RSF1: variants seen among roughly 807,000 people sequenced by gnomAD.
RSF1 encodes the protein remodeling and spacing factor 1.
Under a neutral mutation model 145.2 loss-of-function variants are expected in RSF1, and 13 were observed. The ratio of observed to expected loss-of-function variants is 0.09; its 90% CI spans 0.06 to 0.14. The LOEUF is 0.14. Among genes scored for constraint, RSF1 ranks in the 10% least tolerant of loss-of-function variants. The pLI is 1.00. For synonymous variants in RSF1, 577 were observed against 592.6 expected, an observed-to-expected ratio of 0.97 and a Z score of 0.38; for missense variants, 1,517 against 1,718.2, an observed-to-expected ratio of 0.88 and a Z score of 2.07.
chr11:77,731,058 A>G (rs1961195841), intron 4 of RSF1, among the ~76,000 whole-genome samples: 1 of 152,194 alleles, frequency 6.6e-6, no homozygotes, highest in African/African-American at 2.4e-5. Flanking sequence ...AGGGCTCAGA[A>G]GAAGATATGA....
chr11:77,858,646 C>T, the RSF1 span, among the ~76,000 whole-genome samples: 7 of 152,056 alleles, frequency 4.6e-5, no homozygotes, highest in Admixed American at 4.6e-4. Flanking sequence ...AACAGGAAAA[C>T]CCAAGTGCTG....
chr11:77,723,080 C>T (rs12575014), intron 5 of RSF1, among the ~76,000 whole-genome samples: 27,204 of 152,074 alleles, frequency 0.18, 3,067 homozygotes, highest in African/African-American at 0.3. Context: ...GAACAAGTAA[C>T]ATTAAGTTTA....
the RSF1 span, chr11:77,850,628 C>T: frequency 3.9e-5 from 6 of 151,950 alleles, no homozygotes; most frequent in Non-Finnish European, 8.8e-5. Flanking sequence ...AAATGTTTAC[C>T]CCAACTTTTT....
Position 77,740,882 on chromosome 11 carries a change from C to G in RSF1, c.427G>C (p.Glu143Gln), listed in dbSNP as rs894593500. Reference sequence around the variant, plus strand: ...AGACGCATAGTATCGGCATCCTCCTCATTAATAATATTCTTGAATTTGAGA... The same window carrying G: ...AGACGCATAGTATCGGCATCCTCCTGATTAATAATATTCTTGAATTTGAGA... ...DNLKFKNIIN[E>Q]EDADTMRLQP... Residue 143 changes from glutamate to glutamine, a missense_variant, in exon 4 of 16, where the codon GAG (glutamate) becomes CAG (glutamine). Coordinates refer to ENST00000308488, the MANE Select transcript of RSF1 (RefSeq NM_016578.4). 2 of 1,614,098 alleles carry G rather than the reference C, an allele frequency of 1.2e-6. No individual in the cohort carries two copies. The highest frequency in any genetic ancestry group is 1.7e-6 in the Non-Finnish European group (2 of 1,179,994).
chr11:77,685,213 A>C (rs1959971475), intron 9 of RSF1, 54 bp from the exon 10 acceptor site: 1 of 1,054,718 alleles, frequency 9.5e-7, no homozygotes, highest in Non-Finnish European at 1.4e-6. Context: ...TAAAACTGTT[A>C]TGTAAACATC....
At chr11:77,756,822 A>G (rs1222354562) in intron 2 of RSF1, among the ~76,000 whole-genome samples, 1 of 152,268 alleles carries the variant, frequency 6.6e-6, no homozygotes, top group African/African-American at 2.4e-5. Flanking sequence ...CAGAGCTATG[A>G]GACATATCCC....
At chr11:77,721,733 A>G (rs1328056658) in intron 5 of RSF1, among the ~76,000 whole-genome samples, 1 of 152,234 alleles carries the variant, frequency 6.6e-6, no homozygotes, top group African/African-American at 2.4e-5. Flanking sequence ...AAGCTTTACA[A>G]AAGCAAGGAT....
At chr11:77,746,711 T>G (rs1366204166) in intron 3 of RSF1, among the ~76,000 whole-genome samples, 3 of 152,212 alleles carry the variant, frequency 2.0e-5, no homozygotes, top group Non-Finnish European at 4.4e-5. Context: ...ATCAAATTGC[T>G]AATTTAGTAA....
chr11:77,754,865 AGGC>A (rs1189865301), intron 2 of RSF1, among the ~76,000 whole-genome samples: 1 of 152,054 alleles, frequency 6.6e-6, no homozygotes, highest in Non-Finnish European at 1.5e-5. Flanking sequence ...GCTACTAGGG[AGGC>A]TGAGGCAGGA....
chr11:77,794,999 G>T (rs569959680), intron 1 of RSF1, among the ~76,000 whole-genome samples: 3 of 151,992 alleles, frequency 2.0e-5, no homozygotes, highest in African/African-American at 4.8e-5. Context: ...CAGTAATGCC[G>T]CAAGAGACAA....
chr11:77,861,962 C>G, the RSF1 span, among the ~76,000 whole-genome samples: 1 of 152,216 alleles, frequency 6.6e-6, no homozygotes, highest in Non-Finnish European at 1.5e-5. Flanking sequence ...TCAGTACAGT[C>G]AGGTGACAGA....
chr11:77,706,221 C>T (rs1416364495), intron 5 of RSF1, among the ~76,000 whole-genome samples: 3 of 132,928 alleles, frequency 2.3e-5, no homozygotes, highest in Non-Finnish European at 4.6e-5. Flanking sequence ...AGCCTGGCGA[C>T]AGAGTGAGAC....
At chr11:77,740,629 C>T (rs966868230) in intron 4 of RSF1, 102 bp downstream of exon 4, 10 of 1,092,760 alleles carry the variant, frequency 9.2e-6, no homozygotes, top group Middle Eastern at 3.0e-4. Context: ...AAAACTCACA[C>T]ACAAAAAACC....
intron 5 of RSF1, among the ~76,000 whole-genome samples, chr11:77,703,993 C>A (rs779335877): frequency 2.6e-5 from 4 of 152,154 alleles, no homozygotes; most frequent in Non-Finnish European, 4.4e-5. Context: ...TGATTACTAT[C>A]TTTAAAAATA....
At chr11:77,819,578 G>A (rs1288531001) in intron 1 of RSF1, among the ~76,000 whole-genome samples, 1 of 152,208 alleles carries the variant, frequency 6.6e-6, no homozygotes, top group Non-Finnish European at 1.5e-5. Context: ...GCACCAGAGA[G>A]AGAAACATGA....
the RSF1 span, chr11:77,869,312 C>CTTTTTT: frequency 1.3e-4 from 16 of 126,954 alleles, no homozygotes; most frequent in South Asian, 2.3e-4. Context: ...ATCTCTTTTT[C>CTTTTTT]TTTTTTTTTT....
At chr11:77,792,110 T>C (rs2037644989) in intron 1 of RSF1, among the ~76,000 whole-genome samples, 1 of 152,110 alleles carries the variant, frequency 6.6e-6, no homozygotes. Context: ...TTCACAATCA[T>C]GGCAGAAGGC....
At chr11:77,714,707 T>C (rs1374475638) in intron 5 of RSF1, among the ~76,000 whole-genome samples, 3 of 152,154 alleles carry the variant, frequency 2.0e-5, no homozygotes, top group Admixed American at 6.5e-5. Context: ...CTAAGCGCAG[T>C]GGCGCATGCC....
chr11:77,796,146 C>A (rs1474437888), intron 1 of RSF1, among the ~76,000 whole-genome samples: 1 of 151,922 alleles, frequency 6.6e-6, no homozygotes, highest in African/African-American at 2.4e-5. Flanking sequence ...GGGAATCCTC[C>A]CTAACGCATT....
Sources: allele counts gnomAD v4.1 joint callset (sites outside exome capture counted in the v4.1 genomes callset), GRCh38; gene constraint gnomAD v4.1.1; transcripts MANE v1.5; gene names NCBI Gene and HGNC (gene_info 2026-07-23, HGNC 2026-07-21).